PLCB4: variants seen among roughly 807,000 people sequenced by gnomAD.
PLCB4 encodes the protein phospholipase C beta 4.
A neutral mutation model predicts 178.8 loss-of-function variants in PLCB4; 77 were observed. That is an observed-to-expected ratio of 0.43 (90% CI 0.36 to 0.52). The LOEUF (loss-of-function observed/expected upper bound fraction) is 0.52. PLCB4 is among the 20% of genes least tolerant of loss of function. The probability of loss-of-function intolerance (pLI) is 0.00; values close to 1 mark genes in which losing one functional copy is unlikely to be tolerated. For synonymous variants in PLCB4, 496 were observed against 490.8 expected, an observed-to-expected ratio of 1.01 and a Z score of -0.14; for missense variants, 1,024 against 1,453.4, an observed-to-expected ratio of 0.70 and a Z score of 4.80.
chr20:9,121,514 C>G (rs997058422), intron 2 of PLCB4, among the ~76,000 whole-genome samples: 1 of 152,152 alleles, frequency 6.6e-6, no homozygotes, highest in African/African-American at 2.4e-5. Flanking sequence ...CAGCTTTTGT[C>G]TGGTCTAAAT....
At chr20:9,080,729 C>T (rs1195684799) in intron 1 of PLCB4, among the ~76,000 whole-genome samples, 1 of 152,174 alleles carries the variant, frequency 6.6e-6, no homozygotes, top group Non-Finnish European at 1.5e-5. Context: ...TTATAACCCC[C>T]AATTTACTGA....
rs552212858 is a variant in PLCB4, at chr20:9,399,624, A to G, written c.1511-1866A>G. 2.6e-5 allele frequency among the ~76,000 whole-genome samples: 4 copies of G among 152,352 alleles called. No homozygotes were observed. The South Asian group carries it at 8.3e-4, about 32-fold the overall frequency. On this transcript the variant is annotated intron_variant, in intron 19 of 39. Transcript: ENST00000378473. ...CAGGATAGGAGACAAGTAGTGGAGA[A>G]TATCAAAATTGTATGTGGTTATAGG...
At chr20:9,229,157 A>G (rs999103859) in intron 3 of PLCB4, among the ~76,000 whole-genome samples, 22 of 152,334 alleles carry the variant, frequency 1.4e-4, no homozygotes, top group African/African-American at 4.8e-4. Context: ...GTCATCCCAT[A>G]AAGCAGCCTT....
In PLCB4 at chr20:9,458,633, T is replaced by C. The variant is rs879355958; in HGVS notation, c.3073-1002T>C. Among the ~76,000 whole-genome samples the C allele has an allele frequency of 1.1e-3, 164 of 152,214 alleles. 1 individual carries two copies. Among genetic ancestry groups the C allele is most frequent in the African/African-American group, 3.7e-3 (152 of 41,460 alleles). On this transcript the variant is annotated intron_variant, in intron 34 of 39. Transcript: ENST00000378473. Reference sequence around the variant, plus strand: ...GTAGTTGTCTGGCTGTTGCTTGTTTTCCTACATGACCTATCAACCTCCAGC... The same window carrying C: ...GTAGTTGTCTGGCTGTTGCTTGTTTCCCTACATGACCTATCAACCTCCAGC...
At chr20:9,448,220 C>T (rs1160660775) in intron 32 of PLCB4, among the ~76,000 whole-genome samples, 1 of 152,086 alleles carries the variant, frequency 6.6e-6, no homozygotes, top group Admixed American at 6.6e-5. Flanking sequence ...AGGTTTTATC[C>T]TCTTGCCACA....
At chr20:9,277,229 C>T (rs988183073) in intron 3 of PLCB4, among the ~76,000 whole-genome samples, 2 of 152,014 alleles carry the variant, frequency 1.3e-5, no homozygotes, top group African/African-American at 4.8e-5. Context: ...CTAGAAAGGA[C>T]TACTTAGCAA....
At chr20:9,074,840 A>T in intron 1 of PLCB4, among the ~76,000 whole-genome samples, 1 of 66,712 alleles carries the variant, frequency 1.5e-5, no homozygotes, top group African/African-American at 6.1e-5. Flanking sequence ...ACAAAACAAA[A>T]CAAAACAAAA....
chr20:9,148,065 A>G (rs2092629530), intron 2 of PLCB4, among the ~76,000 whole-genome samples: 1 of 152,148 alleles, frequency 6.6e-6, no homozygotes, highest in Admixed American at 6.5e-5. Context: ...GGGTCTGCAC[A>G]GGTCTTTATT....
chr20:9,151,545 T>C (rs6056431), intron 2 of PLCB4, among the ~76,000 whole-genome samples: 1 of 152,044 alleles, frequency 6.6e-6, no homozygotes, highest in Non-Finnish European at 1.5e-5. Context: ...CTTTTGCTTC[T>C]TCCTCATTTT....
intron 4 of PLCB4, among the ~76,000 whole-genome samples, chr20:9,322,930 C>T (rs956641844): frequency 1.3e-5 from 2 of 152,192 alleles, no homozygotes; most frequent in African/African-American, 4.8e-5. Context: ...TAAGCCAGAG[C>T]TTCCTTGTTT....
chr20:9,241,832 G>T (rs1192116908), intron 3 of PLCB4, among the ~76,000 whole-genome samples: 1 of 152,166 alleles, frequency 6.6e-6, no homozygotes, highest in East Asian at 1.9e-4. Flanking sequence ...CAAATTAATG[G>T]GTCAGCTAGG....
intron 3 of PLCB4, among the ~76,000 whole-genome samples, chr20:9,237,306 C>T (rs1184800122): frequency 6.6e-6 from 1 of 152,078 alleles, no homozygotes; most frequent in Non-Finnish European, 1.5e-5. Flanking sequence ...CCCCAACCCA[C>T]ACCCCCATAT....
intron 3 of PLCB4, among the ~76,000 whole-genome samples, chr20:9,229,214 T>G (rs968340596): frequency 4.6e-5 from 7 of 152,200 alleles, no homozygotes; most frequent in Admixed American, 4.6e-4. Context: ...TCCTGTCTGA[T>G]TCATCCACTG....
chr20:9,165,863 A>G (rs796190777), intron 2 of PLCB4, among the ~76,000 whole-genome samples: 6 of 151,038 alleles, frequency 4.0e-5, no homozygotes, highest in African/African-American at 1.5e-4. Flanking sequence ...TAGAATTAAA[A>G]TCCTCTTGAG....
intron 28 of PLCB4, among the ~76,000 whole-genome samples, chr20:9,430,722 C>T (rs2041337388): frequency 6.6e-6 from 1 of 152,154 alleles, no homozygotes; most frequent in Non-Finnish European, 1.5e-5. Flanking sequence ...TTGCCTGTGA[C>T]AAACAAGACA....
intron 7 of PLCB4, among the ~76,000 whole-genome samples, chr20:9,340,427 C>T (rs934259857): frequency 2.0e-5 from 3 of 152,060 alleles, no homozygotes; most frequent in Non-Finnish European, 2.9e-5. Context: ...CCAGGTGACT[C>T]GGATGTGTGG....
chr20:9,444,088 A>G lies in PLCB4; in HGVS notation c.2814+58A>G, dbSNP rs1287788672. 10 of 1,439,486 alleles carry G rather than the reference A, an allele frequency of 6.9e-6. No individual in the cohort carries two copies. In the East Asian group the frequency reaches 9.1e-5, roughly 13 times the overall value. 89.2% of individuals were successfully genotyped at this position (1,439,486 alleles called of 1,614,324 possible). A position where few individuals can be genotyped will look rare whatever the true frequency, so the allele number is the denominator to read the frequency against. ...TGTATTACACATATTGGTGACACCAATATATTTTTGTTTCTCACCAAGTGT... is the reference window on the plus strand; with the variant it reads ...TGTATTACACATATTGGTGACACCAGTATATTTTTGTTTCTCACCAAGTGT... On this transcript the variant is annotated intron_variant, in intron 31 of 39. Coordinates refer to ENST00000378473, the MANE Select transcript of PLCB4 (RefSeq NM_001377142.1).
At chr20:9,443,387 G>T (rs1478439478) in intron 30 of PLCB4, among the ~76,000 whole-genome samples, 1 of 152,190 alleles carries the variant, frequency 6.6e-6, no homozygotes, top group Admixed American at 6.5e-5. Flanking sequence ...TGCCTGATCA[G>T]CTCCCCTTTA....
intron 4 of PLCB4, among the ~76,000 whole-genome samples, chr20:9,321,796 G>A (rs1172695617): frequency 1.3e-5 from 2 of 151,730 alleles, no homozygotes; most frequent in Non-Finnish European, 2.9e-5. Flanking sequence ...ACCATGCCCA[G>A]CTAATTTTTG....
Sources: allele counts gnomAD v4.1 joint callset (sites outside exome capture counted in the v4.1 genomes callset), GRCh38; gene constraint gnomAD v4.1.1; transcripts MANE v1.5; gene names NCBI Gene and HGNC (gene_info 2026-07-23, HGNC 2026-07-21).